FRMPD4: variants seen among roughly 807,000 people sequenced by gnomAD.
FRMPD4 encodes FERM and PDZ domain containing 4.
A neutral mutation model predicts 94.1 loss-of-function variants in FRMPD4; 22 were observed. The observed-to-expected ratio is 0.23, with a 90% confidence interval of 0.17 to 0.33. The LOEUF (loss-of-function observed/expected upper bound fraction) is 0.33. FRMPD4 is among the 10% of genes least tolerant of loss of function. The pLI, the probability that FRMPD4 is intolerant of heterozygous loss-of-function variation, is 1.00. For missense variants in FRMPD4, 1,111 were observed against 1,339.9 expected, an observed-to-expected ratio of 0.83 and a Z score of 2.67; for synonymous variants, 631 against 548.6, an observed-to-expected ratio of 1.15 and a Z score of -2.10.
intron 1 of FRMPD4, among the ~76,000 whole-genome samples, chrX:12,391,114 A>C (rs2056468310): frequency 8.9e-6 from 1 of 112,082 alleles, no homozygotes; most frequent in Non-Finnish European, 1.9e-5. Context: ...TAAGAGAAAC[A>C]TTTAGAATTC....
intron 2 of FRMPD4, among the ~76,000 whole-genome samples, chrX:12,582,730 A>G (rs141966866): frequency 1.7e-3 from 192 of 111,090 alleles, no homozygotes; most frequent in Non-Finnish European, 2.5e-3. Context: ...TTCATTGTAA[A>G]TTTTTTCCAG....
At chrX:12,237,619 A>G (rs968892963) in intron 1 of FRMPD4, among the ~76,000 whole-genome samples, 1 of 112,082 alleles carries the variant, frequency 8.9e-6, no homozygotes, top group African/African-American at 3.2e-5. Context: ...TGGTCATTCA[A>G]ATATTTTTTA....
chrX:12,018,278 C>T (rs1228955306), intron 3 of FRMPD4, among the ~76,000 whole-genome samples: 2 of 111,612 alleles, frequency 1.8e-5, no homozygotes. Context: ...TCTGTGTTTA[C>T]CAGCTATCCT....
intron 4 of FRMPD4, among the ~76,000 whole-genome samples, chrX:12,658,689 G>C (rs1312124151): frequency 9.2e-6 from 1 of 108,211 alleles, no homozygotes; most frequent in Non-Finnish European, 1.9e-5. Context: ...TTTTTTTTTA[G>C]TACTTTTTGT....
intron 2 of FRMPD4, among the ~76,000 whole-genome samples, chrX:12,548,790 G>A (rs1362468015): frequency 8.9e-6 from 1 of 111,945 alleles, no homozygotes; most frequent in Non-Finnish European, 1.9e-5. Context: ...AGCAGATGTA[G>A]GTTTTAATCA....
intron 3 of FRMPD4, among the ~76,000 whole-genome samples, chrX:11,993,664 C>G (rs189035046): frequency 8.9e-6 from 1 of 112,406 alleles, no homozygotes; most frequent in Non-Finnish European, 1.9e-5. Flanking sequence ...TTGTATAAGT[C>G]AGGGATCTGA....
At chrX:12,041,231 T>G (rs1279619763) in intron 3 of FRMPD4, among the ~76,000 whole-genome samples, 1 of 111,966 alleles carries the variant, frequency 8.9e-6, no homozygotes, top group Admixed American at 9.5e-5. Context: ...TATCTTTGAG[T>G]CTTTTATATA....
chrX:12,416,442 T>C (rs900857838), intron 1 of FRMPD4, among the ~76,000 whole-genome samples: 2 of 112,255 alleles, frequency 1.8e-5, no homozygotes, highest in African/African-American at 6.5e-5. Context: ...ACTTGTATGG[T>C]GTAGCCTTTG....
intron 1 of FRMPD4, among the ~76,000 whole-genome samples, chrX:12,263,554 G>T (rs1226819904): frequency 9.0e-6 from 1 of 111,639 alleles, no homozygotes; most frequent in African/African-American, 3.3e-5. Flanking sequence ...GCTGGCTTCT[G>T]TTTTAAGAAT....
In FRMPD4 at chrX:12,707,512, G is replaced by A; in HGVS notation, c.1331G>A (p.Arg444Gln). 2 of 1,207,236 alleles carry A rather than the reference G, an allele frequency of 1.7e-6. No individual in the cohort carries two copies. The highest frequency in any genetic ancestry group is 2.2e-6 in the Non-Finnish European group (2 of 892,694). ...GAAGTGACTCTCCTGGTTGGGCCCC[G>A]GTATGGCATAAGCCATGTCATCAAC... ...RSEVTLLVGP[R>Q]YGISHVINTK... Residue 444 changes from arginine (R) to glutamine (Q), a missense_variant, in exon 13 of 17, where the codon CGG becomes CAG. By Grantham distance (43) the Arg-to-Gln change is conservative (BLOSUM62 1). Around this residue, in one of 8 missense-constraint regions of FRMPD4, gnomAD observed 111 missense variants for 160.7 expected, o/e 0.69. Coordinates refer to ENST00000675598, the MANE Select transcript of FRMPD4 (RefSeq NM_001368397.1).
At chrX:12,614,922 G>C (rs758449878) in intron 4 of FRMPD4, 41 bp downstream of exon 4, 1 of 735,250 alleles carries the variant, frequency 1.4e-6, no homozygotes, top group Admixed American at 2.4e-5. Context: ...TGCTTTGAAG[G>C]CTGCTGCACA....
chrX:12,718,933 A>G (rs2042165115), intron 16 of FRMPD4, 143 bp downstream of exon 16: 1 of 428,102 alleles, frequency 2.3e-6, no homozygotes, highest in Admixed American at 4.0e-5. Flanking sequence ...AGTACCAATC[A>G]TTGATCCCCT....
At chrX:12,630,745 A>G (rs997685691) in intron 4 of FRMPD4, among the ~76,000 whole-genome samples, 1 of 111,908 alleles carries the variant, frequency 8.9e-6, no homozygotes, top group Non-Finnish European at 1.9e-5. Flanking sequence ...TAATCTATAC[A>G]ACACAATGTT....
intron 1 of FRMPD4, among the ~76,000 whole-genome samples, chrX:12,428,010 C>T (rs1309842525): frequency 3.1e-5 from 3 of 97,905 alleles, no homozygotes; most frequent in Non-Finnish European, 4.0e-5. Context: ...CCCGGGTTCA[C>T]ACCATTCTCC....
chrX:12,711,195 G>A (rs952408391), intron 14 of FRMPD4, among the ~76,000 whole-genome samples: 2 of 111,618 alleles, frequency 1.8e-5, no homozygotes, highest in African/African-American at 3.3e-5. Flanking sequence ...GCCCGAACAC[G>A]AGTTGTGAGC....
At chrX:12,062,077 G>T (rs1476062352) in intron 3 of FRMPD4, among the ~76,000 whole-genome samples, 4 of 111,664 alleles carry the variant, frequency 3.6e-5, no homozygotes, top group Non-Finnish European at 7.5e-5. Context: ...TACAGTCATA[G>T]GAATAAAATA....
chrX:12,131,024 A>T (rs1401991574), intron 3 of FRMPD4, among the ~76,000 whole-genome samples: 1 of 111,767 alleles, frequency 8.9e-6, no homozygotes, highest in Non-Finnish European at 1.9e-5. Flanking sequence ...GCCTCTCCAT[A>T]CCTCATCAGA....
chrX:12,146,081 G>A (rs2055760770), intron 1 of FRMPD4, among the ~76,000 whole-genome samples: 1 of 109,685 alleles, frequency 9.1e-6, no homozygotes, highest in South Asian at 4.2e-4. Flanking sequence ...TGTATTTCTC[G>A]GGCTGGGCGC....
intron 3 of FRMPD4, among the ~76,000 whole-genome samples, chrX:12,099,571 A>G (rs1370905919): frequency 8.9e-6 from 1 of 111,952 alleles, no homozygotes; most frequent in Admixed American, 9.5e-5. Flanking sequence ...TAGCAAGACC[A>G]GCTTCTCACT....
Sources: gnomAD v4.1 joint callset for allele counts (sites outside exome capture counted in the v4.1 genomes callset) on GRCh38, gnomAD v4.1.1 for gene constraint, gnomAD v4.1.1 regional missense constraint, MANE v1.5 for transcripts, NCBI Gene and HGNC (gene_info 2026-07-23, HGNC 2026-07-21) for gene names.